EFCAB10: variants seen among roughly 807,000 people sequenced by gnomAD.
The protein encoded by EFCAB10 is EF-hand calcium-binding domain-containing protein 10.
In EFCAB10, 7 loss-of-function variants were observed where a neutral mutation model predicts 7.7. That is an observed-to-expected ratio of 0.91 (90% confidence interval 0.52 to 1.72). The LOEUF (loss-of-function observed/expected upper bound fraction) is 1.72, where lower values mean the gene tolerates loss of function less well. Among genes scored for constraint, EFCAB10 ranks in the 40% most tolerant of loss-of-function variants. The probability of loss-of-function intolerance (pLI) is 0.00; values close to 1 mark genes in which losing one functional copy is unlikely to be tolerated. For synonymous variants in EFCAB10, 52 were observed against 21.0 expected, an observed-to-expected ratio of 2.47 and a Z score of -4.03; for missense variants, 112 against 61.5, an observed-to-expected ratio of 1.82 and a Z score of -2.74.
At chr7:105,570,262 T>A (rs1425798771) in intron 1 of EFCAB10, among the ~76,000 whole-genome samples, 1 of 89,698 alleles carries the variant, frequency 1.1e-5, no homozygotes, top group Non-Finnish European at 2.2e-5. Context: ...TATATATATA[T>A]ATATATACAC....
At chr7:105,566,828 A>G (rs553146806) in intron 4 of EFCAB10, 5 of 187,584 alleles carry the variant, frequency 2.7e-5, no homozygotes, top group Admixed American at 1.2e-4. Flanking sequence ...TAATCTACCT[A>G]AAGTTATAGC....
At chr7:105,570,795 C>T (rs555226171) in intron 1 of EFCAB10, among the ~76,000 whole-genome samples, 1 of 152,216 alleles carries the variant, frequency 6.6e-6, no homozygotes, top group African/African-American at 2.4e-5. Context: ...GACGCCGAGG[C>T]AGGTGGATCA....
intron 3 of EFCAB10, among the ~76,000 whole-genome samples, chr7:105,568,950 A>AG (rs1259052765): frequency 8.4e-6 from 1 of 119,696 alleles, no homozygotes; most frequent in Non-Finnish European, 1.7e-5. Flanking sequence ...ACTCCATCTC[A>AG]GGGAAAAAAA....
Position 105,565,277 on chromosome 7 carries a change from A to G in EFCAB10, c.*170T>C. 1 of 1,562,244 alleles carries G rather than the reference A, an allele frequency of 6.4e-7. No homozygotes were observed. The highest frequency in any genetic ancestry group is 8.7e-7 in the Non-Finnish European group (1 of 1,154,184). On this transcript the variant is annotated 3_prime_UTR_variant, in exon 5 of 5. Coordinates refer to ENST00000480514, the MANE Select transcript of EFCAB10 (RefSeq NM_001355526.2). ...TTTGGTAAAAATGTGTTTTTTCCAG[A>G]TGGTTGTCCTTGCCATCTCAGTCAG...
chr7:105,579,413 G>A (rs927724012), intron 1 of EFCAB10, among the ~76,000 whole-genome samples: 3 of 152,114 alleles, frequency 2.0e-5, no homozygotes, highest in African/African-American at 7.2e-5. Context: ...TGTAATGAGA[G>A]GACAGCTGTA....
At chr7:105,573,195 A>G (rs1335549734) in intron 1 of EFCAB10, 2 of 152,198 alleles carry the variant, frequency 1.3e-5, no homozygotes, top group Non-Finnish European at 2.9e-5. Context: ...TTGAAACCAG[A>G]AGTAGACTTT....
At chr7:105,571,874 A>G (rs2133519079) in intron 1 of EFCAB10, 1 of 152,342 alleles carries the variant, frequency 6.6e-6, no homozygotes, top group Admixed American at 6.5e-5. Flanking sequence ...TTAATGATAT[A>G]AAAAAGACTG....
intron 4 of EFCAB10, 115 bp from the exon 5 acceptor site, chr7:105,565,562 A>T: frequency 6.2e-7 from 1 of 1,613,848 alleles, no homozygotes; most frequent in Middle Eastern, 1.7e-4. Flanking sequence ...ATGAAGGAGG[A>T]GCAGCCCAGC....
At chr7:105,565,496 A>T in intron 4 of EFCAB10, 49 bp from the exon 5 acceptor site, 1 of 1,610,912 alleles carries the variant, frequency 6.2e-7, no homozygotes, top group Non-Finnish European at 8.5e-7. Flanking sequence ...GTGATAATAA[A>T]GACAACTGTT....
chr7:105,575,206 A>G (rs1006845039), intron 1 of EFCAB10, among the ~76,000 whole-genome samples: 4 of 152,004 alleles, frequency 2.6e-5, no homozygotes, highest in African/African-American at 9.7e-5. Flanking sequence ...CCATGATTCA[A>G]TTACCTCCCA....
intron 4 of EFCAB10, chr7:105,566,887 G>T (rs894564592): frequency 6.7e-6 from 2 of 296,458 alleles, no homozygotes; most frequent in Non-Finnish European, 1.2e-5. Context: ...GGGAAATAAC[G>T]GATACATATT....
At position 105,565,374 on chromosome 7, in the gene EFCAB10, T is replaced by C. The variant is rs772697416; in HGVS notation, c.*73A>G. ...GACGTTACGAGACCATTTACTTCAGTTGGAGCAGCAGCTTTGTTTCTCCTT... is the reference window on the plus strand; with the variant it reads ...GACGTTACGAGACCATTTACTTCAGCTGGAGCAGCAGCTTTGTTTCTCCTT... On this transcript the variant is annotated 3_prime_UTR_variant, in exon 5 of 5. Transcript: ENST00000480514. 8 of 1,614,078 alleles carry C rather than the reference T, an allele frequency of 5.0e-6. No homozygotes were observed. Among genetic ancestry groups the C allele is most frequent in the Non-Finnish European group, 5.9e-6 (7 of 1,180,046 alleles).
chr7:105,581,404 C>T lies in EFCAB10; in HGVS notation c.60G>A (p.Lys20=), dbSNP rs2115598089. The T allele has an allele frequency of 1.4e-6, 1 of 703,050 alleles. No homozygotes were observed. The highest frequency in any genetic ancestry group is 1.7e-5 in the African/African-American group (1 of 57,390). The allele number at this position is 703,050 out of a possible 1,614,324, so 43.6% of individuals were successfully genotyped here. A position where few individuals can be genotyped will look rare whatever the true frequency, so the allele number is the denominator to read the frequency against. Residue 20 remains lysine, a synonymous_variant, in exon 1 of 5, where the codon AAG becomes AAA. Coordinates refer to ENST00000480514, the MANE Select transcript of EFCAB10 (RefSeq NM_001355526.2). ...CGCTGGTGAGGTAGCTAACCACCTC[C>T]TTGATCTGATGCTTTTCCAAATACT... ...AAEYLEKHQI[K]EVVSYLTSAL... is the part of the protein sequence containing the mutation.
chr7:105,566,854 GTTAATA>G (rs1357963894), intron 4 of EFCAB10: 51 of 227,184 alleles, frequency 2.2e-4, no homozygotes, highest in African/African-American at 1.1e-3. Context: ...TTAATATAGT[GTTAATA>G]TTAAGTATTG....
At chr7:105,573,674 G>A (rs150618840) in intron 1 of EFCAB10, 1 of 152,220 alleles carries the variant, frequency 6.6e-6, no homozygotes, top group East Asian at 1.9e-4. Flanking sequence ...CAATGTTCAG[G>A]TTCAACATCT....
intron 1 of EFCAB10, chr7:105,571,796 A>C (rs1211543081): frequency 6.6e-6 from 1 of 150,614 alleles, no homozygotes; most frequent in Non-Finnish European, 1.5e-5. Context: ...TACAGTCCTG[A>C]TTTAGCTCCT....
At chr7:105,570,010 G>T (rs988775111) in intron 1 of EFCAB10, among the ~76,000 whole-genome samples, 2 of 150,966 alleles carry the variant, frequency 1.3e-5, no homozygotes, top group Admixed American at 1.3e-4. Flanking sequence ...ATCACCTGAG[G>T]TTGGGAGTTT....
At chr7:105,568,158 C>T (rs1205604905) in intron 3 of EFCAB10, among the ~76,000 whole-genome samples, 1 of 152,144 alleles carries the variant, frequency 6.6e-6, no homozygotes, top group African/African-American at 2.4e-5. Context: ...CACTCTGACT[C>T]AAACATTCCC....
At chr7:105,566,571 CTG>C (rs1791756033) in intron 4 of EFCAB10, 1 of 151,908 alleles carries the variant, frequency 6.6e-6, no homozygotes, top group Non-Finnish European at 1.5e-5. Context: ...ACTTGAGAGG[CTG>C]AGGCTGTAGT....
Sources: allele counts gnomAD v4.1 joint callset (sites outside exome capture counted in the v4.1 genomes callset), GRCh38; gene constraint gnomAD v4.1.1; transcripts MANE v1.5; gene names NCBI Gene and HGNC (gene_info 2026-07-23, HGNC 2026-07-21).